PCMTD1: variants seen among roughly 807,000 people sequenced by gnomAD.
PCMTD1 encodes the protein protein-L-isoaspartate (D-aspartate) O-methyltransferase domain containing 1, also known as protein-L-isoaspartate O-methyltransferase domain-containing protein 1.
Under a neutral mutation model 37.6 loss-of-function variants are expected in PCMTD1, and 12 were observed. That is an observed-to-expected ratio of 0.32 (90% CI 0.20 to 0.52). PCMTD1 has a LOEUF of 0.52. Among genes scored for constraint, PCMTD1 ranks in the 20% least tolerant of loss-of-function variants. The pLI is 0.97. For missense variants in PCMTD1, 235 were observed against 421.3 expected, an observed-to-expected ratio of 0.56 and a Z score of 3.87; for synonymous variants, 117 against 135.8, an observed-to-expected ratio of 0.86 and a Z score of 0.96.
intron 1 of PCMTD1, among the ~76,000 whole-genome samples, chr8:51,880,662 C>A (rs145532420): frequency 6.6e-6 from 1 of 152,162 alleles, no homozygotes; most frequent in Non-Finnish European, 1.5e-5. Context: ...TGAATCCTTA[C>A]TTTTTTCTCT....
At chr8:51,821,602 T>G (rs1198931122) in intron 5 of PCMTD1, among the ~76,000 whole-genome samples, 2 of 152,346 alleles carry the variant, frequency 1.3e-5, no homozygotes, top group Admixed American at 1.3e-4. Context: ...CTACCAAGTC[T>G]GCACTCCCTG....
At chr8:51,821,221 C>T (rs977730668) in intron 5 of PCMTD1, among the ~76,000 whole-genome samples, 1 of 152,156 alleles carries the variant, frequency 6.6e-6, no homozygotes, top group Non-Finnish European at 1.5e-5. Flanking sequence ...CCTACTGGAG[C>T]CTCAACCACC....
At chr8:51,836,388 C>T (rs552729633) in intron 3 of PCMTD1, among the ~76,000 whole-genome samples, 6 of 152,064 alleles carry the variant, frequency 3.9e-5, no homozygotes, top group Non-Finnish European at 7.4e-5. Flanking sequence ...TTTTAAGTCA[C>T]CTAAAATGAA....
chr8:51,861,965 G>C (rs1339812211), intron 1 of PCMTD1, among the ~76,000 whole-genome samples: 1 of 152,108 alleles, frequency 6.6e-6, no homozygotes, highest in Non-Finnish European at 1.5e-5. Flanking sequence ...CCATCCGCCC[G>C]GGCCGCACAA....
At chr8:51,867,650 T>C (rs2038576548) in intron 1 of PCMTD1, among the ~76,000 whole-genome samples, 1 of 151,914 alleles carries the variant, frequency 6.6e-6, no homozygotes, top group Non-Finnish European at 1.5e-5. Flanking sequence ...TCATTTGCAA[T>C]AACATGTATG....
chr8:51,847,276 A>G (rs2129281618), intron 2 of PCMTD1, among the ~76,000 whole-genome samples: 1 of 152,364 alleles, frequency 6.6e-6, no homozygotes, highest in Admixed American at 6.5e-5. Flanking sequence ...TTGAATTTCC[A>G]TAGATGTCAA....
chr8:51,834,556 C>T (rs1175960267), intron 3 of PCMTD1, among the ~76,000 whole-genome samples: 18 of 152,122 alleles, frequency 1.2e-4, no homozygotes, highest in Admixed American at 1.1e-3. Flanking sequence ...CGTATCCTTT[C>T]ACTTTTAAGT....
At chr8:51,863,047 A>G (rs2038497986) in intron 1 of PCMTD1, among the ~76,000 whole-genome samples, 1 of 151,106 alleles carries the variant, frequency 6.6e-6, no homozygotes, top group South Asian at 2.1e-4. Flanking sequence ...TTTTAATAAC[A>G]TGGCCTTTAG....
chr8:51,897,646 G>A (rs962684286), intron 1 of PCMTD1, among the ~76,000 whole-genome samples: 5 of 152,030 alleles, frequency 3.3e-5, no homozygotes, highest in Admixed American at 1.3e-4. Flanking sequence ...AAGTAATGTC[G>A]TCTGGCCGCA....
intron 1 of PCMTD1, among the ~76,000 whole-genome samples, chr8:51,885,985 C>T (rs762452541): frequency 7.2e-5 from 11 of 152,232 alleles, no homozygotes; most frequent in Non-Finnish European, 1.3e-4. Flanking sequence ...TGTGTACTTA[C>T]AGTGAATGCA....
At position 51,836,878 on chromosome 8, in the gene PCMTD1, A is replaced by G. The variant is rs75398667; in HGVS notation, c.411-3189T>C. 1.5e-4 allele frequency among the ~76,000 whole-genome samples: 23 copies of G among 152,272 alleles called. No individual in the cohort carries two copies. The East Asian group carries it at 4.2e-3, about 28-fold the overall frequency. On this transcript the variant is annotated intron_variant, in intron 3 of 5. Transcript: ENST00000522514. ...CATGAGCCACTGTGACCAGCCACCTATGGTACTTCTCTGTAGTAATACAAT... is the reference window on the plus strand; with the variant it reads ...CATGAGCCACTGTGACCAGCCACCTGTGGTACTTCTCTGTAGTAATACAAT...
At chr8:51,875,946 GTGTGTGTGTGTGTGTC>G (rs988441338) in intron 1 of PCMTD1, among the ~76,000 whole-genome samples, 3 of 35,700 alleles carry the variant, frequency 8.4e-5, no homozygotes, top group African/African-American at 1.1e-4. Flanking sequence ...GTGTTTGTGT[GTGTGTGTGTGTGTGTC>G]TGTGTGTGTG....
chr8:51,872,853 G>T (rs2038658743), intron 1 of PCMTD1, among the ~76,000 whole-genome samples: 1 of 152,020 alleles, frequency 6.6e-6, no homozygotes, highest in South Asian at 2.1e-4. Flanking sequence ...ATGCAAAACT[G>T]GCCTTGTCAC....
intron 1 of PCMTD1, among the ~76,000 whole-genome samples, chr8:51,874,905 GCT>G (rs2038690655): frequency 6.6e-6 from 1 of 152,150 alleles, no homozygotes; most frequent in African/African-American, 2.4e-5. Flanking sequence ...AACTTAAAGA[GCT>G]CTCTTATGAG....
chr8:51,817,779 A>G lies in PCMTD1; in HGVS notation c.*2572T>C, dbSNP rs1317099404. The G allele has an allele frequency of 1.8e-5, 8 of 455,514 alleles. No homozygotes were observed. The highest frequency in any genetic ancestry group is 6.0e-5 in the African/African-American group (3 of 50,036). The allele number at this position is 455,514 out of a possible 1,614,324, so 28.2% of individuals were successfully genotyped here. On this transcript the variant is annotated 3_prime_UTR_variant, in exon 6 of 6. Transcript: ENST00000522514. ...CCAAATATATTGACCAATAAGCAGT[A>G]TAGATTTAAATTATCTTCTTGGGTT...
chr8:51,875,076 C>A (rs1422651314), intron 1 of PCMTD1, among the ~76,000 whole-genome samples: 1 of 152,112 alleles, frequency 6.6e-6, no homozygotes, highest in Non-Finnish European at 1.5e-5. Context: ...CCAAAAAGAT[C>A]TAATGTATTC....
At chr8:51,886,408 C>T (rs2038865422) in intron 1 of PCMTD1, among the ~76,000 whole-genome samples, 1 of 152,198 alleles carries the variant, frequency 6.6e-6, no homozygotes, top group Admixed American at 6.5e-5. Context: ...GTCAATACCC[C>T]TATCAATTTT....
At position 51,855,227 on chromosome 8, in the gene PCMTD1, GAAA is replaced by G. The variant is rs61373320; in HGVS notation, c.307+5615_307+5617del. Among the ~76,000 whole-genome samples, 120 of 128,960 alleles carry G rather than the reference GAAA, an allele frequency of 9.3e-4. 3 individuals are homozygous for G. The highest frequency in any genetic ancestry group is 5.9e-4 in the Non-Finnish European group (37 of 62,448). 84.6% of individuals were successfully genotyped at this position (128,960 alleles called of 152,430 possible). ...AAACATAATTTATAATTCCTAAAAA[GAAA>G]AAAAAAAAAAAACAGAGCAAGGCAT... On this transcript the variant is annotated intron_variant, in intron 2 of 5. Coordinates refer to ENST00000522514, the MANE Select transcript of PCMTD1 (RefSeq NM_052937.4).
At chr8:51,887,070 T>G (rs2038874956) in intron 1 of PCMTD1, among the ~76,000 whole-genome samples, 1 of 152,118 alleles carries the variant, frequency 6.6e-6, no homozygotes. Flanking sequence ...TCGCTCTGCC[T>G]CCTCCTTCCA....
Sources: allele counts gnomAD v4.1 joint callset (sites outside exome capture counted in the v4.1 genomes callset), GRCh38; gene constraint gnomAD v4.1.1; transcripts MANE v1.5; gene names NCBI Gene and HGNC (gene_info 2026-07-23, HGNC 2026-07-21).